The following NDRG4 variants were observed in gnomAD, a reference collection of about 807,000 sequenced individuals.
The protein encoded by NDRG4 is protein NDRG4.
A neutral mutation model predicts 55.8 loss-of-function variants in NDRG4; 38 were observed. That is an observed-to-expected ratio of 0.68 (90% CI 0.53 to 0.89). NDRG4 has a LOEUF of 0.89. Ranked by LOEUF, NDRG4 falls within the 40% of genes least tolerant of loss-of-function variation. The probability of loss-of-function intolerance (pLI) is 0.00; values close to 1 mark genes in which losing one functional copy is unlikely to be tolerated. For synonymous variants in NDRG4, 190 were observed against 182.7 expected (o/e 1.04, Z -0.32); for missense variants, 455 against 468.6 (o/e 0.97, Z 0.27).
intron 1 of NDRG4, 199 bp from the exon 2 acceptor site, chr16:58,503,599 C>A: frequency 2.0e-6 from 2 of 1,024,140 alleles, no homozygotes; most frequent in Non-Finnish European, 1.5e-6. Context: ...TTCACATTGT[C>A]TCTGTACTGA....
At chr16:58,471,877 CAG>C (rs2151571932) in intron 1 of NDRG4, among the ~76,000 whole-genome samples, 1 of 152,136 alleles carries the variant, frequency 6.6e-6, no homozygotes, top group African/African-American at 2.4e-5. Flanking sequence ...GTCTTCTCCC[CAG>C]AGTGTGTGAG....
At chr16:58,496,151 CA>C (rs1250476839), upstream of NDRG4, among the ~76,000 whole-genome samples, 1 of 152,162 alleles carries the variant, frequency 6.6e-6, no homozygotes, top group Non-Finnish European at 1.5e-5. Flanking sequence ...GTGCTGATGC[CA>C]GCCCCAGCAC....
At chr16:58,496,063 T>C (rs185277141), upstream of NDRG4, among the ~76,000 whole-genome samples, 2 of 148,338 alleles carry the variant, frequency 1.3e-5, no homozygotes, top group Non-Finnish European at 3.0e-5. Flanking sequence ...GAGGAGGGGG[T>C]TGGCCAAGTA....
intron 1 of NDRG4, among the ~76,000 whole-genome samples, chr16:58,477,557 G>A (rs1672528500): frequency 6.6e-6 from 1 of 152,124 alleles, no homozygotes; most frequent in South Asian, 2.1e-4. Context: ...ATATCCATGA[G>A]TCCTTATTGA....
At chr16:58,506,099 A>T (rs1567346550) in intron 5 of NDRG4, 2 of 581,960 alleles carry the variant, frequency 3.4e-6, no homozygotes, top group East Asian at 6.7e-5. Context: ...TTTGCACTTC[A>T]AAAATATATT....
chr16:58,501,246 T>C (rs908466961), intron 1 of NDRG4: 1 of 406,804 alleles, frequency 2.5e-6, no homozygotes, highest in Non-Finnish European at 4.3e-6. Flanking sequence ...TCCCCTGAAT[T>C]ATTGATGCGG....
rs984756245 is a variant in NDRG4, at chr16:58,464,544, G to C, written c.-24+747G>C. On this transcript the variant is annotated intron_variant, in intron 1 of 15. Coordinates refer to the NDRG4 transcript ENST00000258187. The surrounding 1 kb of genome is among the most constrained non-coding windows in gnomAD (Gnocchi z 4.8). The stretch of plus-strand genomic sequence containing the variant: ...CTCCGGGCGCGGCGGCCGGGGACTG[G>C]GGCGGCTCGGGTCTGAGCAGGAAGG... The C allele has an allele frequency of 3.4e-5, 42 of 1,237,612 alleles. No individual in the cohort carries two copies. The South Asian group carries it at 1.0e-3, about 31-fold the overall frequency. The allele number at this position is 1,237,612 out of a possible 1,614,324, so 76.7% of individuals were successfully genotyped here. A position where few individuals can be genotyped will look rare whatever the true frequency, so the allele number is the denominator to read the frequency against.
intron 1 of NDRG4, among the ~76,000 whole-genome samples, chr16:58,482,004 C>T (rs553598017): frequency 6.6e-6 from 1 of 152,006 alleles, no homozygotes; most frequent in African/African-American, 2.4e-5. Context: ...AGGGTGGTGG[C>T]CCATGTATCA....
At chr16:58,504,726 A>C in intron 5 of NDRG4, 77 bp downstream of exon 5, 2 of 1,534,488 alleles carry the variant, frequency 1.3e-6, no homozygotes, top group South Asian at 2.2e-5. Context: ...ACTGGGGGGA[A>C]CCCTTCAGCC....
chr16:58,471,186 CTTTT>C (rs528375397), intron 1 of NDRG4, among the ~76,000 whole-genome samples: 10 of 67,076 alleles, frequency 1.5e-4, no homozygotes, highest in East Asian at 4.3e-4. Flanking sequence ...ATGTGTGTTG[CTTTT>C]TTTTTTTTTT....
intron 1 of NDRG4, among the ~76,000 whole-genome samples, chr16:58,478,734 T>C (rs2034046932): frequency 6.9e-6 from 1 of 144,118 alleles, no homozygotes; most frequent in Non-Finnish European, 1.5e-5. Context: ...AGCCTAAATA[T>C]TTTTCAAAAT....
chr16:58,497,209 C>T (rs975993169), upstream of NDRG4, among the ~76,000 whole-genome samples: 1 of 152,112 alleles, frequency 6.6e-6, no homozygotes, highest in African/African-American at 2.4e-5. Context: ...GTAGTCCCAG[C>T]TACTTGGGAG....
intron 1 of NDRG4, among the ~76,000 whole-genome samples, chr16:58,469,038 T>C (rs925936502): frequency 2.6e-5 from 4 of 152,222 alleles, no homozygotes; most frequent in African/African-American, 9.6e-5. Context: ...TTTTTAAAAA[T>C]ATACTTGATG....
At chr16:58,481,901 CT>C (rs2034444759) in intron 1 of NDRG4, among the ~76,000 whole-genome samples, 1 of 152,138 alleles carries the variant, frequency 6.6e-6, no homozygotes, top group Non-Finnish European at 1.5e-5. Context: ...TCCAGACCCC[CT>C]ATATAGTGCA....
In NDRG4 at chr16:58,506,922, T is replaced by C. The variant is rs2038110539; in HGVS notation, c.527T>C (p.Val176Ala). 6.2e-7 allele frequency: 1 copy of C among 1,613,832 alleles called. No individual in the cohort carries two copies. Among genetic ancestry groups the C allele is most frequent in the Non-Finnish European group, 8.5e-7 (1 of 1,179,926 alleles). The change falls in exon 8 of 15, where the codon GTG (valine) becomes GCG (alanine). Residue 176 changes from valine (V) to alanine (A), a missense_variant. Transcript: ENST00000570248. Reference protein sequence around the residue: ...LSHLFSQEELVNNTELVQSYR... With the variant: ...LSHLFSQEELANNTELVQSYR... ...TCTCCCTGGGCCTAGGAGGAGCTGGTGAACAACACAGAGTTGGTGCAGAGC... is the reference window on the plus strand; with the variant it reads ...TCTCCCTGGGCCTAGGAGGAGCTGGCGAACAACACAGAGTTGGTGCAGAGC...
intron 2 of NDRG4, among the ~76,000 whole-genome samples, chr16:58,489,538 T>A (rs1416500159): frequency 6.6e-6 from 1 of 151,862 alleles, no homozygotes; most frequent in African/African-American, 2.4e-5. Flanking sequence ...AGAGAGTCCC[T>A]CTCTAACCCC....
intron 1 of NDRG4, chr16:58,465,255 T>A: frequency 1.8e-6 from 1 of 541,172 alleles, no homozygotes; most frequent in Non-Finnish European, 3.3e-6. Flanking sequence ...CTCCGACACC[T>A]GGGGGAGGGG....
chr16:58,504,093 C>T lies in NDRG4; in HGVS notation c.128-61C>T, dbSNP rs372252424. On this transcript the variant is annotated intron_variant, in intron 2 of 14. Coordinates refer to ENST00000570248, the MANE Select transcript of NDRG4 (RefSeq NM_001242835.2). Reference sequence around the variant, plus strand: ...CTGCCTTGCCTGCCCTCTGGGGGCCCGGCCTTCCTTCCAGTCCCCCGGCCC... The same window carrying T: ...CTGCCTTGCCTGCCCTCTGGGGGCCTGGCCTTCCTTCCAGTCCCCCGGCCC... The T allele has an allele frequency of 4.8e-5, 77 of 1,605,632 alleles. No homozygotes were observed. The Middle Eastern group carries it at 1.1e-3, about 23-fold the overall frequency.
At chr16:58,479,002 C>T (rs2034081794) in intron 1 of NDRG4, among the ~76,000 whole-genome samples, 1 of 151,920 alleles carries the variant, frequency 6.6e-6, no homozygotes, top group African/African-American at 2.4e-5. Context: ...TGTACCTGTT[C>T]AATGCATATA....
Sources: gnomAD v4.1 joint callset for allele counts (sites outside exome capture counted in the v4.1 genomes callset) on GRCh38, gnomAD v4.1.1 for gene constraint, Gnocchi (gnomAD v3.1) non-coding constraint, MANE v1.5 for transcripts, NCBI Gene and HGNC (gene_info 2026-07-23, HGNC 2026-07-21) for gene names.